Variants in SYN3 observed in about 807,000 individuals in gnomAD.
SYN3 encodes the protein synapsin III.
In SYN3, 35 loss-of-function variants were observed where a neutral mutation model predicts 65.8. The ratio of observed to expected loss-of-function variants is 0.53; its 90% CI spans 0.41 to 0.70. The LOEUF (loss-of-function observed/expected upper bound fraction) is 0.70, where lower values mean the gene tolerates loss of function less well. SYN3 is among the 30% of genes least tolerant of loss of function. The probability of loss-of-function intolerance (pLI) is 0.00; values close to 1 mark genes in which losing one functional copy is unlikely to be tolerated. For synonymous variants in SYN3, 270 were observed against 292.9 expected (o/e 0.92, Z 0.80); for missense variants, 680 against 749.0 (o/e 0.91, Z 1.08).
intron 2 of SYN3, among the ~76,000 whole-genome samples, chr22:32,997,445 T>C (rs2052913793): frequency 6.6e-6 from 1 of 152,136 alleles, no homozygotes; most frequent in South Asian, 2.1e-4. Context: ...GGTGGCACCA[T>C]CAGAAATTCC....
intron 1 of SYN3, among the ~76,000 whole-genome samples, chr22:33,027,854 A>G (rs1044083316): frequency 5.3e-5 from 8 of 152,242 alleles, no homozygotes; most frequent in African/African-American, 1.9e-4. Context: ...ACTTCATTTC[A>G]TCAGTGAAGA....
chr22:32,999,321 C>T (rs1318811827), intron 2 of SYN3, among the ~76,000 whole-genome samples: 2 of 152,072 alleles, frequency 1.3e-5, no homozygotes, highest in African/African-American at 4.8e-5. Flanking sequence ...TTCCAGGTAA[C>T]AGGGAACAGA....
At chr22:32,821,138 G>A (rs545214471) in intron 6 of SYN3, among the ~76,000 whole-genome samples, 26 of 152,156 alleles carry the variant, frequency 1.7e-4, no homozygotes, top group Non-Finnish European at 3.4e-4. Flanking sequence ...CAAAAGAGAT[G>A]AACTTAGAGT....
intron 12 of SYN3, among the ~76,000 whole-genome samples, chr22:32,524,393 T>C (rs150838348): frequency 6.6e-5 from 10 of 152,328 alleles, no homozygotes; most frequent in African/African-American, 2.2e-4. Flanking sequence ...CCAGTGCTCA[T>C]TAACCATTCT....
At chr22:32,772,896 C>A (rs5998632) in intron 6 of SYN3, among the ~76,000 whole-genome samples, 1 of 152,006 alleles carries the variant, frequency 6.6e-6, no homozygotes. Context: ...AACTGCGAGA[C>A]AAAAAATCTA....
chr22:32,717,526 C>T (rs1246261231), intron 6 of SYN3, among the ~76,000 whole-genome samples: 1 of 152,090 alleles, frequency 6.6e-6, no homozygotes. Context: ...GAGTGGGGGA[C>T]CAGGTCTGGC....
chr22:32,914,147 C>T (rs147221152), intron 4 of SYN3, among the ~76,000 whole-genome samples: 7 of 152,134 alleles, frequency 4.6e-5, no homozygotes, highest in South Asian at 4.1e-4. Flanking sequence ...TAAGTGACAG[C>T]GCTGGCTTAA....
intron 6 of SYN3, chr22:32,857,149 G>A (rs772081144): frequency 7.7e-6 from 7 of 911,966 alleles, no homozygotes; most frequent in East Asian, 7.3e-5. Flanking sequence ...TCCATATTCC[G>A]ATTTCCTTTC....
chr22:32,982,419 T>C (rs1249800570), intron 2 of SYN3, among the ~76,000 whole-genome samples: 1 of 152,058 alleles, frequency 6.6e-6, no homozygotes, highest in Non-Finnish European at 1.5e-5. Context: ...ATGACATCCC[T>C]ATCTACCCAT....
chr22:32,630,439 A>G (rs1324604192), intron 6 of SYN3, among the ~76,000 whole-genome samples: 1 of 152,194 alleles, frequency 6.6e-6, no homozygotes, highest in Non-Finnish European at 1.5e-5. Flanking sequence ...TATCAATGTA[A>G]ATAAATTCAT....
intron 6 of SYN3, among the ~76,000 whole-genome samples, chr22:32,745,834 G>C (rs1488895869): frequency 6.6e-6 from 1 of 152,170 alleles, no homozygotes; most frequent in Admixed American, 6.5e-5. Flanking sequence ...GCCAGGAAGA[G>C]AGCGAGGAGG....
chr22:32,733,849 AC>A (rs1335768109), intron 6 of SYN3, among the ~76,000 whole-genome samples: 1 of 151,232 alleles, frequency 6.6e-6, no homozygotes, highest in East Asian at 1.9e-4. Flanking sequence ...TCATGAGGAC[AC>A]TCTGGACAAG....
rs1491135400 is a variant in SYN3, at chr22:32,556,803, G to GTTTTTTTTTTT, written c.775-15091_775-15090insAAAAAAAAAAA. 7.6e-3 allele frequency among the ~76,000 whole-genome samples: 268 copies of GTTTTTTTTTTT among 35,252 alleles called. 95 individuals are homozygous for GTTTTTTTTTTT. The highest frequency in any genetic ancestry group is 0.01 in the East Asian group (11 of 1,072). 23.1% of individuals were successfully genotyped at this position (35,252 alleles called of 152,430 possible). On this transcript the variant is annotated intron_variant, in intron 7 of 13. Transcript: ENST00000358763. The stretch of plus-strand genomic sequence containing the variant: ...CAATGACCCAATCTATAGGTTTCCT[G>GTTTTTTTTTTT]GTTTTTTTTTTTTTTTTTTTTTTTT...
chr22:32,811,359 A>G (rs559757505), intron 6 of SYN3, among the ~76,000 whole-genome samples: 139 of 152,362 alleles, frequency 9.1e-4, no homozygotes, highest in African/African-American at 3.2e-3. Flanking sequence ...GAATAGCTCA[A>G]TAAGAATAAG....
intron 4 of SYN3, among the ~76,000 whole-genome samples, chr22:32,901,388 C>A (rs2049755027): frequency 6.6e-6 from 1 of 152,276 alleles, no homozygotes; most frequent in East Asian, 1.9e-4. Flanking sequence ...CAGTGTCTGG[C>A]TTTTAGTTGA....
chr22:32,699,546 G>A (rs944600374), intron 6 of SYN3, among the ~76,000 whole-genome samples: 3 of 152,076 alleles, frequency 2.0e-5, no homozygotes, highest in Non-Finnish European at 4.4e-5. Flanking sequence ...ATGGGGGTAG[G>A]TGCTGAGTTA....
chr22:32,741,346 A>AGTT (rs1569186814), intron 6 of SYN3, among the ~76,000 whole-genome samples: 1 of 137,322 alleles, frequency 7.3e-6, no homozygotes, highest in African/African-American at 2.7e-5. Context: ...TCTAGAGCCC[A>AGTT]ATTTTTTTTT....
intron 6 of SYN3, among the ~76,000 whole-genome samples, chr22:32,794,909 G>A (rs1569229761): frequency 6.6e-6 from 1 of 152,192 alleles, no homozygotes; most frequent in Non-Finnish European, 1.5e-5. Flanking sequence ...CAGGCCAAGA[G>A]TGCATTGTGA....
rs2048402183 is a variant in SYN3, at chr22:32,857,446, A to T, written c.711+7469T>A. ...CAGAAGAACACATACGGAGTAGTTG[A>T]CTCACCAAATGTCCAGTAAATTGTA... On this transcript the variant is annotated intron_variant, in intron 6 of 13. Transcript: ENST00000358763. 4 of 1,000,186 alleles carry T rather than the reference A, an allele frequency of 4.0e-6. 1 individual carries two copies. In the South Asian group the frequency reaches 5.2e-5, roughly 13 times the overall value. 62.0% of individuals were successfully genotyped at this position (1,000,186 alleles called of 1,614,324 possible). A position where few individuals can be genotyped will look rare whatever the true frequency, so the allele number is the denominator to read the frequency against.
Sources: gnomAD v4.1 joint callset for allele counts (sites outside exome capture counted in the v4.1 genomes callset) on GRCh38, gnomAD v4.1.1 for gene constraint, MANE v1.5 for transcripts, NCBI Gene and HGNC (gene_info 2026-07-23, HGNC 2026-07-21) for gene names.